PCDHGA4: variants seen among roughly 807,000 people sequenced by gnomAD.
PCDHGA4 encodes protocadherin gamma subfamily A, 4, also known as protocadherin gamma-A4.
Under a neutral mutation model 54.6 loss-of-function variants are expected in PCDHGA4, and 38 were observed. The ratio of observed to expected loss-of-function variants is 0.70; its 90% confidence interval spans 0.54 to 0.91. The LOEUF is 0.91. PCDHGA4 is among the 40% of genes least tolerant of loss of function. The probability of loss-of-function intolerance (pLI) is 0.00; values close to 1 mark genes in which losing one functional copy is unlikely to be tolerated. For synonymous variants in PCDHGA4, 511 were observed against 512.9 expected (o/e 1.00, Z 0.05); for missense variants, 1,298 against 1,220.9 (o/e 1.06, Z -0.94).
chr5:141,414,067 C>G (rs998058224), intron 1 of PCDHGA4: 1 of 1,607,570 alleles, frequency 6.2e-7, no homozygotes, highest in Non-Finnish European at 8.5e-7. Flanking sequence ...GAAGTTCCAA[C>G]TAAACAAATA....
At chr5:141,410,147 G>T in intron 1 of PCDHGA4, 1 of 1,612,952 alleles carries the variant, frequency 6.2e-7, no homozygotes, top group Non-Finnish European at 8.5e-7. Flanking sequence ...TGTGCGTGAC[G>T]GTGGACAGCC....
rs546302275 is a variant in PCDHGA4, at chr5:141,362,788, CT to C, written c.2514+5169del. Among the ~76,000 whole-genome samples, 614 of 152,314 alleles carry C rather than the reference CT, an allele frequency of 4.0e-3. 6 individuals are homozygous for C. Among genetic ancestry groups the C allele is most frequent in the Admixed American group, 0.011 (171 of 15,302 alleles). On this transcript the variant is annotated intron_variant, in intron 1 of 3. Coordinates refer to ENST00000571252, the MANE Select transcript of PCDHGA4 (RefSeq NM_018917.4). ...GAGATATTGCACTGTATTTCTTTTT[CT>C]TCCTCATCTTTACATTACTTCTCTC...
At chr5:141,454,931 C>T (rs2154564856) in intron 1 of PCDHGA4, among the ~76,000 whole-genome samples, 2 of 151,066 alleles carry the variant, frequency 1.3e-5, no homozygotes, top group South Asian at 4.2e-4. Context: ...CCTCAGCCTC[C>T]CGAGTAGCTG....
rs557973676 is a variant in PCDHGA4, at chr5:141,429,315, T to C, written c.2515-65492T>C. 9.2e-5 allele frequency among the ~76,000 whole-genome samples: 14 copies of C among 152,298 alleles called. No individual in the cohort carries two copies. In the South Asian group the frequency reaches 2.9e-3, roughly 32 times the overall value. ...ACATCAATATTTGAGTATATAAGGC[T>C]TTTTCTTTAATCCATTAACTATAAA... On this transcript the variant is annotated intron_variant, in intron 1 of 3. Transcript: ENST00000571252.
rs368105487 is a variant in PCDHGA4 at position 141,489,478 on chromosome 5, A to G, written c.2515-5329A>G. On this transcript the variant is annotated intron_variant, in intron 1 of 3. Transcript: ENST00000571252. This position sits in a 1 kb window ranked among gnomAD's most constrained non-coding sequence, Gnocchi z 4.5. Reference sequence around the variant, plus strand: ...TGGGCGCTATTTTTCCCTGAGCTTGATGAGTGGTGCCCTGGCAGTGAATCA... The same window carrying G: ...TGGGCGCTATTTTTCCCTGAGCTTGGTGAGTGGTGCCCTGGCAGTGAATCA... The G allele has an allele frequency of 1.1e-5, 18 of 1,613,956 alleles. No individual in the cohort carries two copies. The highest frequency in any genetic ancestry group is 1.5e-5 in the Non-Finnish European group (18 of 1,180,030).
At chr5:141,390,230 A>T (rs2092091822) in intron 1 of PCDHGA4, 1 of 1,614,072 alleles carries the variant, frequency 6.2e-7, no homozygotes, top group Admixed American at 1.7e-5. Flanking sequence ...GCGGTGATTC[A>T]TCTGGGGCCT....
intron 1 of PCDHGA4, chr5:141,415,910 A>G: frequency 1.3e-6 from 1 of 757,484 alleles, no homozygotes; most frequent in Non-Finnish European, 1.8e-6. Context: ...ACTTCCATAC[A>G]GAAGTGCCTG....
intron 3 of PCDHGA4, chr5:141,506,988 A>G (rs1364718512): frequency 1.3e-5 from 2 of 152,192 alleles, no homozygotes; most frequent in Non-Finnish European, 2.9e-5. Context: ...CTGATTTCTC[A>G]CACTCGACAG....
intron 1 of PCDHGA4, chr5:141,382,797 G>A: frequency 5.0e-6 from 5 of 999,472 alleles, no homozygotes; most frequent in Non-Finnish European, 5.9e-6. Context: ...TATCCTGCTG[G>A]ATTCTGAGCT....
rs776349562 is a variant in PCDHGA4 at position 141,491,131 on chromosome 5, G to T, written c.2515-3676G>T. The T allele has an allele frequency of 6.2e-7, 1 of 1,614,182 alleles. No individual in the cohort carries two copies. Among genetic ancestry groups the T allele is most frequent in the Non-Finnish European group, 8.5e-7 (1 of 1,180,008 alleles). On this transcript the variant is annotated intron_variant, in intron 1 of 3. Coordinates refer to ENST00000571252, the MANE Select transcript of PCDHGA4 (RefSeq NM_018917.4). This position sits in a 1 kb window ranked among gnomAD's most constrained non-coding sequence, Gnocchi z 6.9. ...TACACACACTGGTGAGGTGCGCACA[G>T]CCCGGGCCTTACTGGAGGATGACTC...
chr5:141,509,477 G>A (rs753058277), intron 3 of PCDHGA4, among the ~76,000 whole-genome samples: 7 of 152,166 alleles, frequency 4.6e-5, no homozygotes, highest in African/African-American at 7.2e-5. Context: ...CAGGTGAGGG[G>A]TAGAGGTGAT....
At chr5:141,388,020 G>A (rs549084224) in intron 1 of PCDHGA4, 32 of 1,459,094 alleles carry the variant, frequency 2.2e-5, no homozygotes, top group African/African-American at 7.1e-5. Context: ...CAAGGGCTCC[G>A]TAGTGGGGAA....
chr5:141,364,416 G>A, intron 1 of PCDHGA4: 2 of 1,613,312 alleles, frequency 1.2e-6, no homozygotes, highest in Non-Finnish European at 1.7e-6. Context: ...CCAGGATCCG[G>A]GCAGATCCGC....
intron 1 of PCDHGA4, chr5:141,395,745 T>C (rs2093305954): frequency 6.5e-6 from 1 of 153,196 alleles, no homozygotes; most frequent in African/African-American, 2.4e-5. Context: ...AAACCTCTTT[T>C]CTGAGCCCTG....
chr5:141,497,832 G>C (rs1326640712), intron 2 of PCDHGA4, among the ~76,000 whole-genome samples: 1 of 151,992 alleles, frequency 6.6e-6, no homozygotes, highest in East Asian at 1.9e-4. Context: ...GATCGCCCCC[G>C]GCCACAACAA....
At chr5:141,394,154 C>A (rs770076493) in intron 1 of PCDHGA4, 1 of 1,613,918 alleles carries the variant, frequency 6.2e-7, no homozygotes, top group Admixed American at 1.7e-5. Context: ...ACATTAACGA[C>A]AACCCTCCTA....
chr5:141,364,451 A>AAAGGCTC, intron 1 of PCDHGA4: 1 of 1,613,974 alleles, frequency 6.2e-7, no homozygotes, highest in Non-Finnish European at 8.5e-7. Context: ...GGAGCTGGAC[A>AAAGGCTC]AAGGCTCCTT....
intron 1 of PCDHGA4, chr5:141,410,011 G>T (rs2095347816): frequency 6.2e-7 from 1 of 1,613,184 alleles, no homozygotes; most frequent in South Asian, 1.1e-5. Context: ...ACAACGCCTG[G>T]CTGTCCTACC....
Position 141,490,765 on chromosome 5 carries a change from G to A in PCDHGA4, c.2515-4042G>A. The A allele has an allele frequency of 6.2e-7, 1 of 1,614,076 alleles. No individual in the cohort carries two copies. The highest frequency in any genetic ancestry group is 8.5e-7 in the Non-Finnish European group (1 of 1,179,914). ...AGCCCCAGCCTCCTCCTTTGTGTAT[G>A]TCAACCCAGAGGATGGACGGATCTT... On this transcript the variant is annotated intron_variant, in intron 1 of 3. Coordinates refer to ENST00000571252, the MANE Select transcript of PCDHGA4 (RefSeq NM_018917.4). This position sits in a 1 kb window ranked among gnomAD's most constrained non-coding sequence, Gnocchi z 5.4.
Sources: allele counts gnomAD v4.1 joint callset (sites outside exome capture counted in the v4.1 genomes callset), GRCh38; gene constraint gnomAD v4.1.1; non-coding constraint Gnocchi (gnomAD v3.1); transcripts MANE v1.5; gene names NCBI Gene and HGNC (gene_info 2026-07-23, HGNC 2026-07-21).